IGSF10: variants seen among roughly 807,000 people sequenced by gnomAD.
IGSF10 encodes calvaria mechanical force protein 608.
A neutral mutation model predicts 128.2 loss-of-function variants in IGSF10; 126 were observed. That is an observed-to-expected ratio of 0.98 (90% CI 0.85 to 1.14). IGSF10 has a LOEUF of 1.14. IGSF10 is among the 50% of genes most tolerant of loss of function. The pLI is 0.00. For missense variants in IGSF10, 3,295 were observed against 3,149.8 expected (o/e 1.05, Z -1.10); for synonymous variants, 1,185 against 1,146.2 (o/e 1.03, Z -0.68).
At chr3:151,444,805 G>T in intron 6 of IGSF10, 114 bp downstream of exon 6, 2 of 947,780 alleles carry the variant, frequency 2.1e-6, no homozygotes, top group Admixed American at 3.0e-5. Context: ...TAGTTTCTTT[G>T]TCTTAGAAAA....
the IGSF10 span, among the ~76,000 whole-genome samples, chr3:151,584,865 G>A: frequency 1.3e-5 from 2 of 152,232 alleles, no homozygotes; most frequent in Non-Finnish European, 2.9e-5. Flanking sequence ...GTCATTAGCA[G>A]CTAACAAAGC....
chr3:151,513,606 G>A, the IGSF10 span, among the ~76,000 whole-genome samples: 2 of 152,136 alleles, frequency 1.3e-5, no homozygotes, highest in Non-Finnish European at 2.9e-5. Flanking sequence ...ACATAGTGTT[G>A]GAAGTTCTGG....
the IGSF10 span, among the ~76,000 whole-genome samples, chr3:151,506,004 ACAGTGGTGTTGATCT>A: frequency 6.6e-6 from 1 of 150,786 alleles, no homozygotes; most frequent in Non-Finnish European, 1.5e-5. Flanking sequence ...AGGCTGAAGT[ACAGTGGTGTTGATCT>A]CAGCTCACTG....
the IGSF10 span, among the ~76,000 whole-genome samples, chr3:151,594,917 G>C: frequency 6.6e-6 from 1 of 151,506 alleles, no homozygotes; most frequent in African/African-American, 2.4e-5. Context: ...TACCAATAAA[G>C]ATTTTTTAAG....
At chr3:151,600,181 T>C in the IGSF10 span, among the ~76,000 whole-genome samples, 2 of 152,172 alleles carry the variant, frequency 1.3e-5, no homozygotes, top group African/African-American at 4.8e-5. Flanking sequence ...TTTTTACTCA[T>C]TTTCAGGTAG....
chr3:151,440,810 G>A (rs745389372), intron 7 of IGSF10: 1 of 348,946 alleles, frequency 2.9e-6, no homozygotes, highest in Non-Finnish European at 5.7e-6. Flanking sequence ...GTTTCCATGT[G>A]CAGCAAAGAA....
the IGSF10 span, among the ~76,000 whole-genome samples, chr3:151,541,631 G>A: frequency 6.6e-6 from 1 of 152,072 alleles, no homozygotes; most frequent in Admixed American, 6.6e-5. Context: ...CTCTGCATAT[G>A]TTTTAGTTTT....
the IGSF10 span, among the ~76,000 whole-genome samples, chr3:151,557,197 T>G: frequency 6.6e-6 from 1 of 152,172 alleles, no homozygotes; most frequent in African/African-American, 2.4e-5. Flanking sequence ...ACACAAAATA[T>G]GTGACTCAAA....
intron 7 of IGSF10, among the ~76,000 whole-genome samples, chr3:151,441,111 T>C (rs1450778654): frequency 6.6e-6 from 1 of 152,192 alleles, no homozygotes; most frequent in East Asian, 1.9e-4. Flanking sequence ...TCCCAGACAA[T>C]GCTAATGCTA....
At chr3:151,484,841 A>G in the IGSF10 span, among the ~76,000 whole-genome samples, 129,914 of 152,066 alleles carry the variant, frequency 0.85, 55,712 homozygotes, top group Middle Eastern at 0.95. Context: ...CCACAAAGAT[A>G]GGGAGAAAAC....
the IGSF10 span, among the ~76,000 whole-genome samples, chr3:151,562,264 G>A: frequency 6.6e-6 from 1 of 152,098 alleles, no homozygotes; most frequent in African/African-American, 2.4e-5. Context: ...CCACAGCAAT[G>A]TCAGGAAGTT....
At position 151,446,418 on chromosome 3, in the gene IGSF10, G is replaced by A. The variant is rs775281345; in HGVS notation, c.3563C>T (p.Pro1188Leu). ...TSSLSGAITK[P>L]PMTIIAITRF... The stretch of plus-strand genomic sequence containing the variant: ...TGTAATGGCTATAATAGTCATTGGT[G>A]GCTTGGTGATAGCACCTGAAAGTGA... The change falls in exon 6 of 8, where the codon CCA becomes CTA. Residue 1188 changes from proline (P) to leucine (L), a missense_variant. By Grantham distance (98) the Pro-to-Leu change is moderately conservative. Coordinates refer to ENST00000282466, the MANE Select transcript of IGSF10 (RefSeq NM_178822.5). 5 of 1,613,908 alleles carry A rather than the reference G, an allele frequency of 3.1e-6. No homozygotes were observed. The highest frequency in any genetic ancestry group is 1.6e-4 in the Middle Eastern group (1 of 6,062).
the IGSF10 span, among the ~76,000 whole-genome samples, chr3:151,491,314 A>G: frequency 6.6e-6 from 1 of 152,092 alleles, no homozygotes; most frequent in Non-Finnish European, 1.5e-5. Context: ...TGGTGGCTCA[A>G]GCCTGTAATC....
chr3:151,571,952 G>C, the IGSF10 span, among the ~76,000 whole-genome samples: 1 of 152,254 alleles, frequency 6.6e-6, no homozygotes, highest in Non-Finnish European at 1.5e-5. Flanking sequence ...TTTGTCGAAG[G>C]CCTTTTCTGC....
the IGSF10 span, among the ~76,000 whole-genome samples, chr3:151,485,095 A>T: frequency 2.0e-5 from 3 of 152,236 alleles, no homozygotes; most frequent in Non-Finnish European, 4.4e-5. Flanking sequence ...ATCGGTTTAG[A>T]GAAAAACATA....
At chr3:151,543,381 T>C in the IGSF10 span, among the ~76,000 whole-genome samples, 1 of 152,274 alleles carries the variant, frequency 6.6e-6, no homozygotes, top group South Asian at 2.1e-4. Context: ...GGATGTCTGC[T>C]CCAGCTCTGT....
the IGSF10 span, among the ~76,000 whole-genome samples, chr3:151,466,345 T>C: frequency 3.9e-5 from 6 of 152,096 alleles, no homozygotes. Flanking sequence ...AACTTGTGTT[T>C]TGGGGTCTCT....
At chr3:151,554,364 G>A in the IGSF10 span, among the ~76,000 whole-genome samples, 8 of 150,544 alleles carry the variant, frequency 5.3e-5, no homozygotes, top group Non-Finnish European at 1.2e-4. Context: ...AGATCAGCCT[G>A]TTTTTTTTTC....
chr3:151,520,587 A>G, the IGSF10 span, among the ~76,000 whole-genome samples: 1 of 151,852 alleles, frequency 6.6e-6, no homozygotes, highest in Non-Finnish European at 1.5e-5. Flanking sequence ...CAATATCTTT[A>G]AAGAAAATAA....
Sources: allele counts gnomAD v4.1 joint callset (sites outside exome capture counted in the v4.1 genomes callset), GRCh38; gene constraint gnomAD v4.1.1; transcripts MANE v1.5; gene names NCBI Gene and HGNC (gene_info 2026-07-23, HGNC 2026-07-21).